CKMT2: variants seen among roughly 807,000 people sequenced by gnomAD.
CKMT2 encodes the protein creatine kinase, mitochondrial 2.
Under a neutral mutation model 48.9 loss-of-function variants are expected in CKMT2, and 43 were observed. That is an observed-to-expected ratio of 0.88 (90% CI 0.69 to 1.13). The LOEUF is 1.13. Among genes scored for constraint, CKMT2 ranks in the 50% most tolerant of loss-of-function variants. The pLI, the probability that CKMT2 is intolerant of heterozygous loss-of-function variation, is 0.00. For missense variants in CKMT2, 472 were observed against 555.4 expected, an observed-to-expected ratio of 0.85 and a Z score of 1.51; for synonymous variants, 206 against 213.0, an observed-to-expected ratio of 0.97 and a Z score of 0.29.
chr5:81,245,288 C>T (rs1756570125), intron 1 of CKMT2: 1 of 152,128 alleles, frequency 6.6e-6, no homozygotes, highest in South Asian at 2.1e-4. Flanking sequence ...GCTTGCTGGC[C>T]ATGTGGAAGG....
At chr5:81,235,731 G>C (rs1209557628) in intron 1 of CKMT2, 1 of 152,242 alleles carries the variant, frequency 6.6e-6, no homozygotes, top group Non-Finnish European at 1.5e-5. Flanking sequence ...TGTACAGCTT[G>C]TGGCCACTTA....
At chr5:81,264,322 G>A (rs1364025908) in intron 9 of CKMT2, among the ~76,000 whole-genome samples, 2 of 152,232 alleles carry the variant, frequency 1.3e-5, no homozygotes, top group African/African-American at 4.8e-5. Context: ...TGGTCCCATT[G>A]GACATATTAT....
At chr5:81,247,143 C>T (rs557996758) in intron 1 of CKMT2, among the ~76,000 whole-genome samples, 4 of 152,294 alleles carry the variant, frequency 2.6e-5, no homozygotes, top group Admixed American at 1.3e-4. Flanking sequence ...TTCCTCATCT[C>T]CTCTCCCTAG....
Position 81,257,873 on chromosome 5 carries a change from G to GATTTCTGGATATTTATTAAA in CKMT2, c.879+20_879+39dup, listed in dbSNP as rs781191144. 5 of 1,600,372 alleles carry GATTTCTGGATATTTATTAAA rather than the reference G, an allele frequency of 3.1e-6. No homozygotes were observed. The highest frequency in any genetic ancestry group is 3.4e-6 in the Non-Finnish European group (4 of 1,172,400). On this transcript the variant is annotated intron_variant, in intron 7 of 9. Coordinates refer to ENST00000254035, the MANE Select transcript of CKMT2 (RefSeq NM_001099735.2). ...CTAAAAGAAGTAAGATGTTATCTGA[G>GATTTCTGGATATTTATTAAA]ATTTCTGGATATTTATTAAAATAAA...
At chr5:81,265,964 A>G (rs1294923275) in intron 9 of CKMT2, among the ~76,000 whole-genome samples, 175 bp from the exon 10 acceptor site, 1 of 152,234 alleles carries the variant, frequency 6.6e-6, no homozygotes, top group African/African-American at 2.4e-5. Flanking sequence ...CATCTTAACT[A>G]TGGAAAGATT....
intron 1 of CKMT2, among the ~76,000 whole-genome samples, chr5:81,246,616 C>T (rs999786191): frequency 6.6e-6 from 1 of 152,138 alleles, no homozygotes; most frequent in Non-Finnish European, 1.5e-5. Flanking sequence ...TAGCACAGTG[C>T]CTAACAGTAG....
In CKMT2 at chr5:81,251,231, C is replaced by T. The variant is rs373137473; in HGVS notation, c.99C>T (p.Asn33=). 44 of 1,614,088 alleles carry T rather than the reference C, an allele frequency of 2.7e-5. No homozygotes were observed. In the African/African-American group the frequency reaches 5.9e-4, roughly 22 times the overall value. Residue 33 remains asparagine, a synonymous_variant, in exon 2 of 10, where the codon AAC becomes AAT. Coordinates refer to ENST00000254035, the MANE Select transcript of CKMT2 (RefSeq NM_001099735.2). ...TSVLTTGYLL[N]RQKVCAEVRE... ...TCCTGACCACCGGGTACCTGCTGAA[C>T]CGGCAGAAAGTGTGTGCCGAGGTCC...
At chr5:81,258,574 G>A (rs760037649) in intron 7 of CKMT2, among the ~76,000 whole-genome samples, 6 of 152,082 alleles carry the variant, frequency 3.9e-5, no homozygotes, top group South Asian at 2.1e-4. Context: ...CCTCAACCCC[G>A]GGGCCACGGA....
chr5:81,258,978 C>T (rs1039513742), intron 7 of CKMT2, 142 bp from the exon 8 acceptor site: 1 of 749,150 alleles, frequency 1.3e-6, no homozygotes, highest in Non-Finnish European at 2.1e-6. Flanking sequence ...GTATTATTTT[C>T]TCTTAAAGGA....
chr5:81,240,682 C>T (rs1401018692), intron 1 of CKMT2, among the ~76,000 whole-genome samples: 1 of 152,116 alleles, frequency 6.6e-6, no homozygotes, highest in African/African-American at 2.4e-5. Context: ...TATGATTTCC[C>T]TTTAGCTGTG....
intron 3 of CKMT2, 104 bp downstream of exon 3, chr5:81,252,997 C>A: frequency 1.6e-6 from 2 of 1,267,372 alleles, no homozygotes; most frequent in Non-Finnish European, 2.3e-6. Flanking sequence ...CAACTTTCTG[C>A]CTTCTCAGGA....
At chr5:81,237,136 G>A (rs1365580222) in intron 1 of CKMT2, among the ~76,000 whole-genome samples, 7 of 152,222 alleles carry the variant, frequency 4.6e-5, no homozygotes, top group African/African-American at 7.2e-5. Context: ...GTGACAGAGC[G>A]AGACTCTTTC....
At chr5:81,248,506 A>G (rs4704713) in intron 1 of CKMT2, among the ~76,000 whole-genome samples, 70,864 of 151,942 alleles carry the variant, frequency 0.47, 17,378 homozygotes, top group African/African-American at 0.58. Flanking sequence ...GCACTGGTGC[A>G]GCTCACTGAA....
chr5:81,239,451 GC>G (rs991724452), intron 1 of CKMT2: 9 of 152,180 alleles, frequency 5.9e-5, no homozygotes, highest in Non-Finnish European at 1.2e-4. Context: ...GAGGGGAATG[GC>G]CATTTCCCCA....
In CKMT2 at chr5:81,254,989, GCAGAT is replaced by G; in HGVS notation, c.448-1_451del. 6.2e-7 allele frequency: 1 copy of G among 1,613,278 alleles called. No individual in the cohort carries two copies. Among genetic ancestry groups the G allele is most frequent in the East Asian group, 2.2e-5 (1 of 44,876 alleles). Reference sequence around the variant, plus strand: ...CCACAGTGACCCCACAGTCTGCTTGGCAGATCACCCAAGGGCAGTTCGACGAGCAT... The same window carrying G: ...CCACAGTGACCCCACAGTCTGCTTGGCACCCAAGGGCAGTTCGACGAGCAT... On this transcript the variant is annotated splice_acceptor_variant and splice_polypyrimidine_tract_variant and coding_sequence_variant and intron_variant, in exon 5 of 10. Transcript: ENST00000254035. LOFTEE classifies it high-confidence loss of function.
At chr5:81,254,821 G>C in intron 4 of CKMT2, 172 bp from the exon 5 acceptor site, 1 of 637,092 alleles carries the variant, frequency 1.6e-6, no homozygotes, top group South Asian at 1.9e-5. Flanking sequence ...TTTACTAGTC[G>C]AAGGTCCGTG....
intron 8 of CKMT2, among the ~76,000 whole-genome samples, chr5:81,262,500 C>G: frequency 6.6e-6 from 1 of 151,546 alleles, no homozygotes; most frequent in South Asian, 2.1e-4. Flanking sequence ...AAAAAACAAC[C>G]CCATCAAAAA....
chr5:81,253,499 A>G (rs1756893590), intron 3 of CKMT2, among the ~76,000 whole-genome samples: 1 of 152,186 alleles, frequency 6.6e-6, no homozygotes, highest in Non-Finnish European at 1.5e-5. Flanking sequence ...CCCTCCACAG[A>G]GCAGCCTCTC....
chr5:81,248,882 C>T (rs73768054), intron 1 of CKMT2, among the ~76,000 whole-genome samples: 2,680 of 152,132 alleles, frequency 0.018, 73 homozygotes, highest in African/African-American at 0.06. Context: ...GTAGAGACTT[C>T]GAAATGACGG....
Sources: allele counts gnomAD v4.1 joint callset (sites outside exome capture counted in the v4.1 genomes callset), GRCh38; gene constraint gnomAD v4.1.1; transcripts MANE v1.5; gene names NCBI Gene and HGNC (gene_info 2026-07-23, HGNC 2026-07-21).